The following MARCHF1 variants were observed in gnomAD, a reference collection of about 807,000 sequenced individuals.
MARCHF1 encodes membrane associated ring-CH-type finger 1.
In MARCHF1, 40 loss-of-function variants were observed where a neutral mutation model predicts 54.2. The observed-to-expected ratio is 0.74, with a 90% CI of 0.57 to 0.96. The LOEUF is 0.96. MARCHF1 is among the 40% of genes least tolerant of loss of function. The pLI is 0.00. For synonymous variants in MARCHF1, 236 were observed against 236.3 expected (o/e 1.00, Z 0.01); for missense variants, 586 against 656.5 (o/e 0.89, Z 1.17).
chr4:163,778,719 C>A (rs1010133470), intron 4 of MARCHF1, among the ~76,000 whole-genome samples: 13 of 152,004 alleles, frequency 8.6e-5, no homozygotes, highest in Non-Finnish European at 1.8e-4. Context: ...GAATAGGAGG[C>A]CATTATCTTA....
At chr4:164,334,872 T>A (rs547009287) in intron 1 of MARCHF1, among the ~76,000 whole-genome samples, 1 of 152,238 alleles carries the variant, frequency 6.6e-6, no homozygotes, top group Non-Finnish European at 1.5e-5. Context: ...TGGGAGAAGT[T>A]TATTCCAACC....
intron 2 of MARCHF1, among the ~76,000 whole-genome samples, chr4:164,012,523 A>T (rs1753445139): frequency 6.6e-6 from 1 of 152,124 alleles, no homozygotes; most frequent in South Asian, 2.1e-4. Flanking sequence ...GGCTTTGAGT[A>T]AATAGCAGCA....
intron 4 of MARCHF1, among the ~76,000 whole-genome samples, chr4:163,820,493 C>T (rs1305671002): frequency 6.6e-6 from 1 of 151,980 alleles, no homozygotes; most frequent in African/African-American, 2.4e-5. Context: ...CAATGATGTA[C>T]TCATACGTAT....
rs897644456 is a variant in MARCHF1 at position 164,383,888 on chromosome 4, C to T, written c.-341G>A. The T allele has an allele frequency of 6.6e-6, 1 of 152,388 alleles. No homozygotes were observed. Among genetic ancestry groups the T allele is most frequent in the Admixed American group, 6.5e-5 (1 of 15,278 alleles). The allele number at this position is 152,388 out of a possible 1,614,324, so 9.4% of individuals were successfully genotyped here. A position where few individuals can be genotyped will look rare whatever the true frequency, so the allele number is the denominator to read the frequency against. ...CACTTACCGGCGGAGGGTGAAGTAG[C>T]TCAGGCGGCCGCCAGGCTGCGTGCG... On this transcript the variant is annotated 5_prime_UTR_variant, in exon 1 of 10. Transcript: ENST00000514618.
intron 1 of MARCHF1, among the ~76,000 whole-genome samples, chr4:164,311,808 T>C (rs1267693046): frequency 6.6e-6 from 1 of 152,214 alleles, no homozygotes; most frequent in Non-Finnish European, 1.5e-5. Context: ...GGTTGTAACA[T>C]TGCATATGCA....
At chr4:164,146,596 G>T (rs1038057931) in intron 1 of MARCHF1, among the ~76,000 whole-genome samples, 114 of 152,044 alleles carry the variant, frequency 7.5e-4, no homozygotes, top group Non-Finnish European at 1.3e-3. Flanking sequence ...TTAATAAATG[G>T]TACTGGGAAA....
chr4:163,546,130 T>C (rs746195151), intron 8 of MARCHF1, among the ~76,000 whole-genome samples: 2 of 152,042 alleles, frequency 1.3e-5, no homozygotes, highest in African/African-American at 2.4e-5. Flanking sequence ...TGTACCACCA[T>C]GCCTGGCTAA....
intron 9 of MARCHF1, among the ~76,000 whole-genome samples, chr4:163,542,562 TAA>T (rs1738753598): frequency 6.6e-6 from 1 of 152,144 alleles, no homozygotes; most frequent in Non-Finnish European, 1.5e-5. Context: ...ATACCACAGG[TAA>T]TCTACCATGC....
At chr4:163,994,314 G>A (rs1027104207) in intron 2 of MARCHF1, among the ~76,000 whole-genome samples, 2 of 150,288 alleles carry the variant, frequency 1.3e-5, no homozygotes, top group Non-Finnish European at 3.0e-5. Flanking sequence ...GTGTGGTGGG[G>A]AGGAAGCATT....
chr4:164,199,673 CACACACACAGAGAGAGAG>C (rs1283551426), intron 1 of MARCHF1, among the ~76,000 whole-genome samples: 10 of 60,728 alleles, frequency 1.6e-4, no homozygotes, highest in African/African-American at 5.5e-4. Flanking sequence ...CACACACACA[CACACACACAGAGAGAGAG>C]AGAGAGAGAG....
chr4:164,044,695 C>A (rs1754204062), intron 2 of MARCHF1, among the ~76,000 whole-genome samples: 1 of 152,028 alleles, frequency 6.6e-6, no homozygotes, highest in Non-Finnish European at 1.5e-5. Context: ...TCAAGTCATC[C>A]TATCATGTCA....
At chr4:163,856,856 C>T (rs1560790374) in intron 3 of MARCHF1, among the ~76,000 whole-genome samples, 1 of 151,610 alleles carries the variant, frequency 6.6e-6, no homozygotes, top group African/African-American at 2.4e-5. Context: ...ACTAAAAATA[C>T]AAAAAATTAG....
At chr4:164,122,462 T>C (rs1756088355) in intron 1 of MARCHF1, among the ~76,000 whole-genome samples, 2 of 152,118 alleles carry the variant, frequency 1.3e-5, no homozygotes, top group Non-Finnish European at 2.9e-5. Flanking sequence ...AAGATAGTGC[T>C]GATCAACTGG....
chr4:164,060,149 T>C (rs1410736242), intron 2 of MARCHF1, among the ~76,000 whole-genome samples: 1 of 152,126 alleles, frequency 6.6e-6, no homozygotes, highest in East Asian at 1.9e-4. Context: ...ATGACAATTT[T>C]AACAATTAAG....
intron 1 of MARCHF1, among the ~76,000 whole-genome samples, chr4:164,213,771 T>C (rs1560956888): frequency 6.6e-6 from 1 of 152,076 alleles, no homozygotes; most frequent in African/African-American, 2.4e-5. Context: ...TAAATGAAAG[T>C]ACATTTAGAA....
chr4:163,609,464 T>G (rs1458878438), intron 7 of MARCHF1, among the ~76,000 whole-genome samples: 1 of 151,986 alleles, frequency 6.6e-6, no homozygotes, highest in Non-Finnish European at 1.5e-5. Context: ...GTTCTTCCCT[T>G]TCCTTATCCA....
chr4:164,235,336 T>G (rs1732519001), intron 1 of MARCHF1, among the ~76,000 whole-genome samples: 1 of 152,118 alleles, frequency 6.6e-6, no homozygotes, highest in Non-Finnish European at 1.5e-5. Context: ...TTCTTCACGT[T>G]GGATCTGAAG....
At chr4:164,188,556 G>A (rs1427926967) in intron 1 of MARCHF1, 16 of 756,266 alleles carry the variant, frequency 2.1e-5, no homozygotes, top group African/African-American at 6.8e-5. Flanking sequence ...CAGAGCAAAC[G>A]CATCACGCGG....
At chr4:164,180,037 T>C (rs185872184) in intron 1 of MARCHF1, among the ~76,000 whole-genome samples, 1 of 151,194 alleles carries the variant, frequency 6.6e-6, no homozygotes, top group Admixed American at 6.6e-5. Flanking sequence ...TGACTTATCT[T>C]TGTACTTTGC....
Sources: gnomAD v4.1 joint callset for allele counts (sites outside exome capture counted in the v4.1 genomes callset) on GRCh38, gnomAD v4.1.1 for gene constraint, MANE v1.5 for transcripts, NCBI Gene and HGNC (gene_info 2026-07-23, HGNC 2026-07-21) for gene names.